The following DLX4 variants were observed in gnomAD, a reference collection of about 807,000 sequenced individuals.
The protein encoded by DLX4 is homeobox protein DLX-4.
DLX4 carries 13 observed loss-of-function variants against 17.1 expected under a neutral mutation model. The ratio of observed to expected loss-of-function variants is 0.76; its 90% CI spans 0.49 to 1.21. The LOEUF (loss-of-function observed/expected upper bound fraction) is 1.21. Ranked by LOEUF, DLX4 falls within the 50% of genes most tolerant of loss-of-function variation. The probability of loss-of-function intolerance (pLI) is 0.00; values close to 1 mark genes in which losing one functional copy is unlikely to be tolerated. For synonymous variants in DLX4, 129 were observed against 140.3 expected (o/e 0.92, Z 0.57); for missense variants, 297 against 301.4 (o/e 0.99, Z 0.11).
chr17:49,972,596 G>A lies in DLX4; in HGVS notation c.284-477G>A. 3 of 492,920 alleles carry A rather than the reference G, an allele frequency of 6.1e-6. No homozygotes were observed. The highest frequency in any genetic ancestry group is 8.1e-6 in the Non-Finnish European group (3 of 370,264). The allele number at this position is 492,920 out of a possible 1,614,324, so 30.5% of individuals were successfully genotyped here. A position where few individuals can be genotyped will look rare whatever the true frequency, so the allele number is the denominator to read the frequency against. ...TCACCCACCCCGCTGGCCGCAGCCG[G>A]AGGCTGCCACGCGGACACCGTCTCA... is the stretch of plus-strand genomic sequence containing the variant. On this transcript the variant is annotated intron_variant, in intron 1 of 2. Coordinates refer to ENST00000240306, the MANE Select transcript of DLX4 (RefSeq NM_138281.3). The surrounding 1 kb of genome is among the most constrained non-coding windows in gnomAD (Gnocchi z 5.4).
chr17:49,971,658 C>A (rs1393589130), intron 1 of DLX4, among the ~76,000 whole-genome samples: 2 of 152,096 alleles, frequency 1.3e-5, no homozygotes, highest in Non-Finnish European at 2.9e-5. Flanking sequence ...TCGAATTGCG[C>A]AGTCCACGCA....
At position 49,973,165 on chromosome 17, in the gene DLX4, A is replaced by G. The variant is rs1335235731; in HGVS notation, c.376A>G (p.Ser126Gly). 6 of 1,614,022 alleles carry G rather than the reference A, an allele frequency of 3.7e-6. No individual in the cohort carries two copies. The highest frequency in any genetic ancestry group is 5.1e-6 in the Non-Finnish European group (6 of 1,180,028). Residue 126 changes from serine (S) to glycine (G), a missense_variant, in exon 2 of 3, where the codon AGC becomes GGC. Coordinates refer to ENST00000240306, the MANE Select transcript of DLX4 (RefSeq NM_138281.3). The stretch of plus-strand genomic sequence containing the variant: ...CCGCAAGCCGAGGACCATCTACTCC[A>G]GCCTGCAGCTGCAGCACCTAAACCA... ...KLRKPRTIYS[S>G]LQLQHLNQRF...
At chr17:49,970,847 G>A (rs1331167208) in intron 1 of DLX4, among the ~76,000 whole-genome samples, 4 of 152,176 alleles carry the variant, frequency 2.6e-5, no homozygotes, top group Admixed American at 2.6e-4. Context: ...ATCAGAGCCA[G>A]AAGTGACCCT....
Position 49,972,999 on chromosome 17 carries a change from TAAG to T in DLX4, c.284-73_284-71del. On this transcript the variant is annotated intron_variant, in intron 1 of 2. Coordinates refer to ENST00000240306, the MANE Select transcript of DLX4 (RefSeq NM_138281.3). The surrounding 1 kb of genome is among the most constrained non-coding windows in gnomAD (Gnocchi z 5.4). ...CGACGGCATGCAGACGAGATGCAAA[TAAG>T]CTTATGAAACTGTCCGTCCTACCCC... is the stretch of plus-strand genomic sequence containing the variant. 4 of 1,560,856 alleles carry T rather than the reference TAAG, an allele frequency of 2.6e-6. No individual in the cohort carries two copies. Among genetic ancestry groups the T allele is most frequent in the South Asian group, 2.4e-5 (2 of 85,040 alleles).
chr17:49,974,188 C>G lies in DLX4; in HGVS notation c.*245C>G, dbSNP rs2144165603. 1 of 358,754 alleles carries G rather than the reference C, an allele frequency of 2.8e-6. No individual in the cohort carries two copies. Among genetic ancestry groups the G allele is most frequent in the African/African-American group, 2.1e-5 (1 of 47,426 alleles). The allele number at this position is 358,754 out of a possible 1,614,324, so 22.2% of individuals were successfully genotyped here. A position where few individuals can be genotyped will look rare whatever the true frequency, so the allele number is the denominator to read the frequency against. ...CTACCATGGACTGGACACCTTCACT[C>G]CAGCTGGACAAAGACTCTGGAGAGA... On this transcript the variant is annotated 3_prime_UTR_variant, in exon 3 of 3. Transcript: ENST00000240306.
At chr17:49,973,642 A>C in intron 2 of DLX4, 59 bp from the exon 3 acceptor site, 2 of 1,493,814 alleles carry the variant, frequency 1.3e-6, no homozygotes, top group Non-Finnish European at 1.8e-6. Flanking sequence ...CCCTTCCTCG[A>C]AACTTTTCAC....
Position 49,973,191 on chromosome 17 carries a change from G to T in DLX4, c.402G>T (p.Gln134His), listed in dbSNP as rs750866926. The T allele has an allele frequency of 1.4e-5, 22 of 1,614,084 alleles. No individual in the cohort carries two copies. Among genetic ancestry groups the T allele is most frequent in the Non-Finnish European group, 1.7e-5 (20 of 1,180,046 alleles). ...YSSLQLQHLN[Q>H]RFQHTQYLAL... ...GCCTGCAGCTGCAGCACCTAAACCAGCGTTTCCAGCACACGCAGTACCTGG... is the reference window on the plus strand; with the variant it reads ...GCCTGCAGCTGCAGCACCTAAACCATCGTTTCCAGCACACGCAGTACCTGG... The change falls in exon 2 of 3, where the codon CAG (glutamine) becomes CAT (histidine). Residue 134 changes from glutamine to histidine, a missense_variant. By Grantham distance (24) the Gln-to-His change is conservative (BLOSUM62 0). Transcript: ENST00000240306.
Position 49,972,992 on chromosome 17 carries a change from A to AGCG in DLX4, c.284-81_284-80insGCG. On this transcript the variant is annotated intron_variant, in intron 1 of 2. Coordinates refer to ENST00000240306, the MANE Select transcript of DLX4 (RefSeq NM_138281.3). The surrounding 1 kb of genome is among the most constrained non-coding windows in gnomAD (Gnocchi z 5.4). ...TTGCTGCCGACGGCATGCAGACGAG[A>AGCG]TGCAAATAAGCTTATGAAACTGTCC... The AGCG allele has an allele frequency of 6.4e-7, 1 of 1,561,254 alleles. No individual in the cohort carries two copies. The highest frequency in any genetic ancestry group is 1.2e-5 in the South Asian group (1 of 84,466).
rs768188135 is a variant in DLX4, at chr17:49,973,124, C to T, written c.335C>T (p.Ala112Val). Residue 112 changes from alanine to valine, a missense_variant, in exon 2 of 3, where the codon GCC becomes GTC. Physicochemically the swap from Ala to Val is moderately conservative, Grantham distance 64. Transcript: ENST00000240306. Reference protein sequence around the residue: ...SPEPSERRPQAPAKKLRKPRT... With the variant: ...SPEPSERRPQVPAKKLRKPRT... ...GAACCCTCCGAGCGGCGCCCTCAGGCCCCCGCCAAAAAGCTCCGCAAGCCG... is the reference window on the plus strand; with the variant it reads ...GAACCCTCCGAGCGGCGCCCTCAGGTCCCCGCCAAAAAGCTCCGCAAGCCG... 3.1e-6 allele frequency: 5 copies of T among 1,613,938 alleles called. No individual in the cohort carries two copies. The highest frequency in any genetic ancestry group is 2.7e-5 in the African/African-American group (2 of 74,930).
rs528700474 is a variant in DLX4, at chr17:49,974,049, T to A, written c.*106T>A. The stretch of plus-strand genomic sequence containing the variant: ...TGGGAGGAAACCAGCTCCAGATGGG[T>A]TTTCTCTGGAGGACAAGCAGTTAGA... On this transcript the variant is annotated 3_prime_UTR_variant, in exon 3 of 3. Coordinates refer to ENST00000240306, the MANE Select transcript of DLX4 (RefSeq NM_138281.3). 11,315 of 1,398,112 alleles carry A rather than the reference T, an allele frequency of 8.1e-3. 57 individuals are homozygous for A. Among genetic ancestry groups the A allele is most frequent in the Non-Finnish European group, 9.4e-3 (10,048 of 1,064,384 alleles). 86.6% of individuals were successfully genotyped at this position (1,398,112 alleles called of 1,614,324 possible).
Position 49,972,773 on chromosome 17 carries a change from C to A in DLX4, c.284-300C>A. ...CTGAACTCCGACCTCCCACCGCAGG[C>A]GCCGCGGTACCCTGGCTGTGGCCCT... On this transcript the variant is annotated intron_variant, in intron 1 of 2. Transcript: ENST00000240306. This position sits in a 1 kb window ranked among gnomAD's most constrained non-coding sequence, Gnocchi z 5.4. 2 of 1,386,138 alleles carry A rather than the reference C, an allele frequency of 1.4e-6. No homozygotes were observed. The highest frequency in any genetic ancestry group is 1.9e-6 in the Non-Finnish European group (2 of 1,076,192). The allele number at this position is 1,386,138 out of a possible 1,614,324, so 85.9% of individuals were successfully genotyped here. A position where few individuals can be genotyped will look rare whatever the true frequency, so the allele number is the denominator to read the frequency against.
chr17:49,972,997 A>C lies in DLX4; in HGVS notation c.284-76A>C, dbSNP rs776348139. 5.8e-6 allele frequency: 9 copies of C among 1,541,418 alleles called. No individual in the cohort carries two copies. The highest frequency in any genetic ancestry group is 7.0e-6 in the Non-Finnish European group (8 of 1,138,554). On this transcript the variant is annotated intron_variant, in intron 1 of 2. Transcript: ENST00000240306. The surrounding 1 kb of genome is among the most constrained non-coding windows in gnomAD (Gnocchi z 5.4). ...GCCGACGGCATGCAGACGAGATGCA[A>C]ATAAGCTTATGAAACTGTCCGTCCT... is the stretch of plus-strand genomic sequence containing the variant.
intron 2 of DLX4, 29 bp downstream of exon 2, chr17:49,973,298 C>G: frequency 6.2e-7 from 1 of 1,609,354 alleles, no homozygotes; most frequent in Non-Finnish European, 8.5e-7. Context: ...TTCCCCATCT[C>G]TCACCTTCCC....
Position 49,972,744 on chromosome 17 carries a change from G to A in DLX4, c.284-329G>A. 7.3e-7 allele frequency: 1 copy of A among 1,375,100 alleles called. No individual in the cohort carries two copies. Among genetic ancestry groups the A allele is most frequent in the Non-Finnish European group, 9.3e-7 (1 of 1,070,004 alleles). The allele number at this position is 1,375,100 out of a possible 1,614,324, so 85.2% of individuals were successfully genotyped here. On this transcript the variant is annotated intron_variant, in intron 1 of 2. Transcript: ENST00000240306. This position sits in a 1 kb window ranked among gnomAD's most constrained non-coding sequence, Gnocchi z 5.4. ...CTACCCCAAGCTGGCGCCACCGCCC[G>A]TGGCTGAACTCCGACCTCCCACCGC...
At chr17:49,968,705 A>G (rs1216245614), upstream of DLX4, among the ~76,000 whole-genome samples, 1 of 152,050 alleles carries the variant, frequency 6.6e-6, no homozygotes, top group Non-Finnish European at 1.5e-5. Flanking sequence ...GCACCCTCCC[A>G]GCCCCGGCGT....
Position 49,972,613 on chromosome 17 carries a change from A to C in DLX4, c.284-460A>C. Reference sequence around the variant, plus strand: ...CGCAGCCGGAGGCTGCCACGCGGACACCGTCTCAAGCCTCTGAGCATTGCT... The same window carrying C: ...CGCAGCCGGAGGCTGCCACGCGGACCCCGTCTCAAGCCTCTGAGCATTGCT... On this transcript the variant is annotated intron_variant, in intron 1 of 2. Coordinates refer to ENST00000240306, the MANE Select transcript of DLX4 (RefSeq NM_138281.3). This position sits in a 1 kb window ranked among gnomAD's most constrained non-coding sequence, Gnocchi z 5.4. The C allele has an allele frequency of 1.6e-6, 1 of 642,366 alleles. No individual in the cohort carries two copies. The highest frequency in any genetic ancestry group is 2.0e-6 in the Non-Finnish European group (1 of 504,356). 39.8% of individuals were successfully genotyped at this position (642,366 alleles called of 1,614,324 possible). A position where few individuals can be genotyped will look rare whatever the true frequency, so the allele number is the denominator to read the frequency against.
chr17:49,972,955 G>C lies in DLX4; in HGVS notation c.284-118G>C, dbSNP rs987412876. On this transcript the variant is annotated intron_variant, in intron 1 of 2. Transcript: ENST00000240306. This position sits in a 1 kb window ranked among gnomAD's most constrained non-coding sequence, Gnocchi z 5.4. ...CCAAGGGGGCGATCCTGGTGGCTGC[G>C]CTTTTTGCTATTTGCTGCCGACGGC... 2 of 1,523,922 alleles carry C rather than the reference G, an allele frequency of 1.3e-6. No homozygotes were observed. Among genetic ancestry groups the C allele is most frequent in the Non-Finnish European group, 1.8e-6 (2 of 1,132,870 alleles). The allele number at this position is 1,523,922 out of a possible 1,614,324, so 94.4% of individuals were successfully genotyped here. A position where few individuals can be genotyped will look rare whatever the true frequency, so the allele number is the denominator to read the frequency against.
chr17:49,969,274 C>T lies in DLX4; in HGVS notation c.-195C>T, dbSNP rs1161437716. On this transcript the variant is annotated 5_prime_UTR_variant, in exon 1 of 3. Coordinates refer to ENST00000240306, the MANE Select transcript of DLX4 (RefSeq NM_138281.3). ...GAGGGGAAAGTCATGGGGGGCACCC[C>T]CCCGGAACCCCTTTCCCAGGCGCGC... 1 of 573,996 alleles carries T rather than the reference C, an allele frequency of 1.7e-6. No homozygotes were observed. Among genetic ancestry groups the T allele is most frequent in the Non-Finnish European group, 2.8e-6 (1 of 362,470 alleles). 35.6% of individuals were successfully genotyped at this position (573,996 alleles called of 1,614,324 possible).
At chr17:49,973,335 C>T (rs1290682674) in intron 2 of DLX4, 66 bp downstream of exon 2, 1 of 1,572,166 alleles carries the variant, frequency 6.4e-7, no homozygotes, top group Middle Eastern at 1.7e-4. Context: ...CATCCCCCAG[C>T]CCCAGCTGTG....
Sources: allele counts gnomAD v4.1 joint callset (sites outside exome capture counted in the v4.1 genomes callset), GRCh38; gene constraint gnomAD v4.1.1; non-coding constraint Gnocchi (gnomAD v3.1); transcripts MANE v1.5; gene names NCBI Gene and HGNC (gene_info 2026-07-23, HGNC 2026-07-21).